GDPD4: variants seen among roughly 807,000 people sequenced by gnomAD.
GDPD4 encodes the protein glycerophosphodiester phosphodiesterase domain containing 4, also known as glycerophosphodiester phosphodiesterase 6.
Under a neutral mutation model 67.8 loss-of-function variants are expected in GDPD4, and 60 were observed. The observed-to-expected ratio is 0.88, with a 90% confidence interval of 0.72 to 1.10. The LOEUF is 1.10. Among genes scored for constraint, GDPD4 ranks in the 50% least tolerant of loss-of-function variants. The pLI, the probability that GDPD4 is intolerant of heterozygous loss-of-function variation, is 0.00. For synonymous variants in GDPD4, 212 were observed against 210.9 expected (o/e 1.00, Z -0.04); for missense variants, 623 against 613.9 (o/e 1.01, Z -0.16).
intron 10 of GDPD4, among the ~76,000 whole-genome samples, chr11:77,258,875 C>CA (rs1193481021): frequency 3.9e-5 from 6 of 152,214 alleles, no homozygotes; most frequent in African/African-American, 1.4e-4. Context: ...GCAAGGTCCT[C>CA]AGGTTCCAGG....
At chr11:77,292,567 T>C (rs2135895053) in intron 1 of GDPD4, among the ~76,000 whole-genome samples, 1 of 151,878 alleles carries the variant, frequency 6.6e-6, no homozygotes, top group Admixed American at 6.6e-5. Context: ...GTGGAGCAAA[T>C]TAAACACAAA....
chr11:77,245,877 G>A (rs780725924), intron 11 of GDPD4, among the ~76,000 whole-genome samples: 6 of 152,092 alleles, frequency 3.9e-5, no homozygotes, highest in Non-Finnish European at 5.9e-5. Flanking sequence ...ACATGCTTTG[G>A]CTTCAACTGA....
intron 13 of GDPD4, among the ~76,000 whole-genome samples, chr11:77,233,541 C>A (rs1488608376): frequency 6.6e-6 from 1 of 151,458 alleles, no homozygotes; most frequent in Non-Finnish European, 1.5e-5. Context: ...CCTACCATAG[C>A]CAACTGTAAG....
intron 12 of GDPD4, 78 bp from the exon 13 acceptor site, chr11:77,243,926 G>GCTCC: frequency 2.4e-5 from 23 of 955,942 alleles, no homozygotes; most frequent in Non-Finnish European, 3.4e-5. Flanking sequence ...AATGGAGGGA[G>GCTCC]CTCCATTCCA....
chr11:77,226,437 C>G (rs957278352), intron 16 of GDPD4, among the ~76,000 whole-genome samples: 4 of 152,138 alleles, frequency 2.6e-5, no homozygotes, highest in South Asian at 2.1e-4. Context: ...AGATCCCACT[C>G]TCCCAAGCAC....
chr11:77,293,588 TCAA>T (rs1470898321), intron 1 of GDPD4, among the ~76,000 whole-genome samples: 1,160 of 64,868 alleles, frequency 0.018, 19 homozygotes, highest in African/African-American at 0.12. Flanking sequence ...AGACCTTGTC[TCAA>T]AAAAAAAAAA....
At chr11:77,235,380 G>GA (rs199769686) in intron 13 of GDPD4, among the ~76,000 whole-genome samples, 41 of 149,408 alleles carry the variant, frequency 2.7e-4, no homozygotes, top group African/African-American at 5.9e-4. Context: ...AAAACAATCT[G>GA]AAAAAAAAAT....
intron 3 of GDPD4, among the ~76,000 whole-genome samples, chr11:77,280,336 T>A (rs549740435): frequency 6.6e-6 from 1 of 151,896 alleles, no homozygotes; most frequent in East Asian, 1.9e-4. Context: ...TGTAAAGGAA[T>A]GATTCACATC....
intron 4 of GDPD4, among the ~76,000 whole-genome samples, chr11:77,276,930 A>C (rs1959495791): frequency 6.6e-6 from 1 of 152,182 alleles, no homozygotes; most frequent in African/African-American, 2.4e-5. Context: ...AAAAAATGAA[A>C]CTGAGGTCAG....
intron 13 of GDPD4, among the ~76,000 whole-genome samples, chr11:77,233,518 T>C (rs967431501): frequency 1.3e-5 from 2 of 148,150 alleles, no homozygotes; most frequent in Admixed American, 1.3e-4. Context: ...CAAATTTCCA[T>C]GGTAAAAACA....
At chr11:77,235,009 G>GTGTTTT (rs1413310722) in intron 13 of GDPD4, among the ~76,000 whole-genome samples, 2 of 52,254 alleles carry the variant, frequency 3.8e-5, no homozygotes, top group African/African-American at 1.3e-4. Context: ...GTCAATATCT[G>GTGTTTT]TTTTTTTTTT....
chr11:77,218,871 G>A (rs112094502), intron 16 of GDPD4, among the ~76,000 whole-genome samples: 2,442 of 151,964 alleles, frequency 0.016, 24 homozygotes, highest in African/African-American at 0.025. Flanking sequence ...GTGTCTTTAT[G>A]GTAACATGAT....
chr11:77,282,090 G>A (rs1192632226), intron 3 of GDPD4, among the ~76,000 whole-genome samples: 1 of 152,120 alleles, frequency 6.6e-6, no homozygotes, highest in Non-Finnish European at 1.5e-5. Flanking sequence ...GATGAGAATG[G>A]CTTATAACTC....
chr11:77,292,466 T>A (rs1937811158), intron 1 of GDPD4, among the ~76,000 whole-genome samples: 1 of 152,166 alleles, frequency 6.6e-6, no homozygotes, highest in Non-Finnish European at 1.5e-5. Context: ...ATACTTAGAT[T>A]GATATTTATA....
intron 10 of GDPD4, 108 bp from the exon 11 acceptor site, chr11:77,258,650 T>C: frequency 2.2e-6 from 2 of 904,904 alleles, no homozygotes; most frequent in Non-Finnish European, 3.5e-6. Flanking sequence ...TCACTAGGGC[T>C]CCTTACTCCC....
chr11:77,260,395 A>G (rs188276549), intron 10 of GDPD4, among the ~76,000 whole-genome samples: 12 of 152,310 alleles, frequency 7.9e-5, no homozygotes, highest in Non-Finnish European at 1.6e-4. Flanking sequence ...AAAGAGCTTA[A>G]AAACAAGCTT....
At chr11:77,223,418 GTTTTCCTT>G (rs1958265685) in intron 16 of GDPD4, among the ~76,000 whole-genome samples, 1 of 152,130 alleles carries the variant, frequency 6.6e-6, no homozygotes, top group East Asian at 1.9e-4. Flanking sequence ...CTGTTTGTTA[GTTTTCCTT>G]CTAACAAACA....
At chr11:77,222,348 A>G (rs1280297840) in intron 16 of GDPD4, among the ~76,000 whole-genome samples, 1 of 152,170 alleles carries the variant, frequency 6.6e-6, no homozygotes, top group Non-Finnish European at 1.5e-5. Context: ...ATGTTTTTGC[A>G]GTGGCTGGTA....
intron 15 of GDPD4, 140 bp from the exon 16 acceptor site, chr11:77,228,056 A>C: frequency 1.4e-6 from 1 of 717,584 alleles, no homozygotes; most frequent in East Asian, 2.5e-5. Context: ...GGATTCCCAA[A>C]TGTCATTTTC....
Sources: allele counts gnomAD v4.1 joint callset (sites outside exome capture counted in the v4.1 genomes callset), GRCh38; gene constraint gnomAD v4.1.1; transcripts MANE v1.5; gene names NCBI Gene and HGNC (gene_info 2026-07-23, HGNC 2026-07-21).